The following SLC9A9 variants were observed in gnomAD, a reference collection of about 807,000 sequenced individuals.
The protein encoded by SLC9A9 is solute carrier family 9 member A9.
Under a neutral mutation model 77.8 loss-of-function variants are expected in SLC9A9, and 62 were observed. The ratio of observed to expected loss-of-function variants is 0.80; its 90% confidence interval spans 0.65 to 0.98. SLC9A9 has a LOEUF of 0.98. SLC9A9 is among the 50% of genes least tolerant of loss of function. The pLI, the probability that SLC9A9 is intolerant of heterozygous loss-of-function variation, is 0.00. For synonymous variants in SLC9A9, 320 were observed against 283.5 expected, an observed-to-expected ratio of 1.13 and a Z score of -1.29; for missense variants, 775 against 774.9, an observed-to-expected ratio of 1.00 and a Z score of 0.00.
intron 6 of SLC9A9, among the ~76,000 whole-genome samples, chr3:143,596,302 G>A (rs1435787381): frequency 6.6e-6 from 1 of 152,162 alleles, no homozygotes; most frequent in Non-Finnish European, 1.5e-5. Flanking sequence ...GTGTGTGTAT[G>A]TGTGCGTGCA....
intron 4 of SLC9A9, among the ~76,000 whole-genome samples, chr3:143,780,994 C>T (rs1357641380): frequency 6.6e-6 from 1 of 152,114 alleles, no homozygotes; most frequent in Non-Finnish European, 1.5e-5. Flanking sequence ...CATCCCCCTG[C>T]CTGAAATTAA....
intron 6 of SLC9A9, among the ~76,000 whole-genome samples, chr3:143,625,772 A>C (rs1279756085): frequency 1.3e-5 from 2 of 152,222 alleles, no homozygotes; most frequent in East Asian, 1.9e-4. Context: ...AATGGGATCT[A>C]ATTAAACTAA....
intron 9 of SLC9A9, among the ~76,000 whole-genome samples, chr3:143,505,862 A>G (rs2036006186): frequency 6.6e-6 from 1 of 152,130 alleles, no homozygotes; most frequent in Non-Finnish European, 1.5e-5. Flanking sequence ...ATTTCCTGAA[A>G]CCCTCAAGCT....
At chr3:143,642,496 A>G (rs2038640171) in intron 6 of SLC9A9, among the ~76,000 whole-genome samples, 1 of 152,240 alleles carries the variant, frequency 6.6e-6, no homozygotes, top group African/African-American at 2.4e-5. Flanking sequence ...TAAAATTAAA[A>G]ACACAACAAA....
chr3:143,428,524 G>T (rs2034448022), intron 12 of SLC9A9, among the ~76,000 whole-genome samples: 1 of 152,164 alleles, frequency 6.6e-6, no homozygotes, highest in Non-Finnish European at 1.5e-5. Context: ...AAAATAGTAT[G>T]AAGGTCTCTC....
At chr3:143,481,713 G>T (rs1312411541) in intron 11 of SLC9A9, among the ~76,000 whole-genome samples, 1 of 152,198 alleles carries the variant, frequency 6.6e-6, no homozygotes, top group East Asian at 1.9e-4. Context: ...AGCTTCTAAG[G>T]GATGCCATAG....
At chr3:143,580,297 T>C (rs1230861610) in intron 6 of SLC9A9, among the ~76,000 whole-genome samples, 1 of 152,212 alleles carries the variant, frequency 6.6e-6, no homozygotes, top group Non-Finnish European at 1.5e-5. Flanking sequence ...ATTTGCATTC[T>C]GCCCTTCAGA....
At chr3:143,749,509 A>T (rs766193536) in intron 4 of SLC9A9, among the ~76,000 whole-genome samples, 2 of 152,242 alleles carry the variant, frequency 1.3e-5, no homozygotes, top group African/African-American at 4.8e-5. Flanking sequence ...AAGATTACGC[A>T]TTCCACTTTA....
chr3:143,364,648 C>T (rs2032850098), intron 13 of SLC9A9, among the ~76,000 whole-genome samples: 1 of 152,152 alleles, frequency 6.6e-6, no homozygotes, highest in Non-Finnish European at 1.5e-5. Context: ...GTGTTCTACC[C>T]ATGAAACGTA....
At chr3:143,800,292 G>A (rs1225127540) in intron 2 of SLC9A9, among the ~76,000 whole-genome samples, 2 of 151,998 alleles carry the variant, frequency 1.3e-5, no homozygotes, top group African/African-American at 2.4e-5. Context: ...CCTACAGCAC[G>A]CTTTAAAAGG....
chr3:143,279,850 T>C (rs577516681), intron 14 of SLC9A9, among the ~76,000 whole-genome samples: 10 of 152,108 alleles, frequency 6.6e-5, no homozygotes, highest in Non-Finnish European at 1.5e-4. Context: ...AAAAACAGGG[T>C]CTTGCTCTGT....
intron 4 of SLC9A9, among the ~76,000 whole-genome samples, chr3:143,768,392 T>C (rs2007402453): frequency 6.6e-6 from 1 of 152,228 alleles, no homozygotes; most frequent in Non-Finnish European, 1.5e-5. Context: ...AAGTTATAGA[T>C]GTTGAGAAAG....
intron 6 of SLC9A9, among the ~76,000 whole-genome samples, chr3:143,591,595 T>C (rs2037645637): frequency 6.9e-6 from 1 of 145,664 alleles, no homozygotes; most frequent in Admixed American, 6.7e-5. Context: ...TTGTAAGAAC[T>C]GATGTATTAC....
At chr3:143,652,659 C>T (rs914597845) in intron 5 of SLC9A9, among the ~76,000 whole-genome samples, 1 of 152,060 alleles carries the variant, frequency 6.6e-6, no homozygotes, top group Admixed American at 6.6e-5. Context: ...TCACACTGAA[C>T]TTGCCATAAT....
At chr3:143,349,103 C>G (rs1432812437) in intron 14 of SLC9A9, among the ~76,000 whole-genome samples, 2 of 152,218 alleles carry the variant, frequency 1.3e-5, no homozygotes, top group Non-Finnish European at 2.9e-5. Context: ...GTCTCCAACT[C>G]TCTGCCCCCA....
At chr3:143,506,737 G>T (rs901840002) in intron 9 of SLC9A9, among the ~76,000 whole-genome samples, 13 of 151,986 alleles carry the variant, frequency 8.6e-5, no homozygotes, top group African/African-American at 3.1e-4. Context: ...ATTCAAACAA[G>T]TGTCCTCCAA....
At chr3:143,275,511 C>T (rs1184762202) in intron 14 of SLC9A9, among the ~76,000 whole-genome samples, 1 of 152,112 alleles carries the variant, frequency 6.6e-6, no homozygotes, top group Non-Finnish European at 1.5e-5. Flanking sequence ...TCTTAATCTT[C>T]AATATGTGTC....
At chr3:143,446,759 G>T (rs1176701989) in intron 12 of SLC9A9, among the ~76,000 whole-genome samples, 1 of 152,160 alleles carries the variant, frequency 6.6e-6, no homozygotes, top group South Asian at 2.1e-4. Flanking sequence ...TGGGTAAAAG[G>T]TTCTCAGGAG....
chr3:143,330,578 T>A (rs2031738092), intron 14 of SLC9A9, among the ~76,000 whole-genome samples: 1 of 152,226 alleles, frequency 6.6e-6, no homozygotes, highest in East Asian at 1.9e-4. Context: ...GGCTGAATTT[T>A]CCTGGGTGTC....
Sources: gnomAD v4.1 joint callset for allele counts (sites outside exome capture counted in the v4.1 genomes callset) on GRCh38, gnomAD v4.1.1 for gene constraint, MANE v1.5 for transcripts, NCBI Gene and HGNC (gene_info 2026-07-23, HGNC 2026-07-21) for gene names.